CAMK1D: variants seen among roughly 807,000 people sequenced by gnomAD.
CAMK1D encodes the protein calcium/calmodulin dependent protein kinase ID, also known as calcium/calmodulin-dependent protein kinase type 1D.
CAMK1D carries 9 observed loss-of-function variants against 47.7 expected under a neutral mutation model. The observed-to-expected ratio is 0.19, with a 90% CI of 0.11 to 0.33. The LOEUF (loss-of-function observed/expected upper bound fraction) is 0.33, where lower values mean the gene tolerates loss of function less well. Among genes scored for constraint, CAMK1D ranks in the 10% least tolerant of loss-of-function variants. The pLI is 1.00. For synonymous variants in CAMK1D, 184 were observed against 184.9 expected (o/e 0.99, Z 0.04); for missense variants, 291 against 488.7 (o/e 0.60, Z 3.81).
At chr10:12,658,431 G>C (rs904117357) in intron 2 of CAMK1D, among the ~76,000 whole-genome samples, 36 of 151,880 alleles carry the variant, frequency 2.4e-4, no homozygotes, top group Admixed American at 2.6e-4. Flanking sequence ...ATAGGGGAGG[G>C]GGGCAGGGAA....
At chr10:12,463,546 T>C (rs1327590495) in intron 1 of CAMK1D, among the ~76,000 whole-genome samples, 2 of 152,328 alleles carry the variant, frequency 1.3e-5, no homozygotes, top group African/African-American at 2.4e-5. Context: ...CAACAACTTA[T>C]CTTTTTAAGT....
intron 2 of CAMK1D, among the ~76,000 whole-genome samples, chr10:12,660,966 C>T (rs528195705): frequency 6.6e-6 from 1 of 152,220 alleles, no homozygotes; most frequent in Non-Finnish European, 1.5e-5. Flanking sequence ...TTGCCTATAA[C>T]TGACATCTCT....
chr10:12,651,610 C>T (rs888525490), intron 2 of CAMK1D, among the ~76,000 whole-genome samples: 3 of 151,760 alleles, frequency 2.0e-5, no homozygotes, highest in Admixed American at 6.6e-5. Context: ...CCGTGTTGTC[C>T]AGGCTGGTCT....
intron 2 of CAMK1D, among the ~76,000 whole-genome samples, chr10:12,659,171 TG>T (rs1259762960): frequency 1.3e-5 from 2 of 152,194 alleles, no homozygotes; most frequent in Non-Finnish European, 2.9e-5. Context: ...ACCCTGCAAG[TG>T]GGATAAGGGA....
intron 1 of CAMK1D, among the ~76,000 whole-genome samples, chr10:12,474,188 T>C (rs1833831799): frequency 6.9e-6 from 1 of 144,372 alleles, no homozygotes; most frequent in Admixed American, 7.2e-5. Flanking sequence ...ACCTCTTCAA[T>C]GAGGATCGTT....
At position 12,694,330 on chromosome 10, in the gene CAMK1D, G is replaced by GTATGTAT. The variant is rs1554811732; in HGVS notation, c.299+27523_299+27524insGTATTAT. ...AAATATATAAAATATAATATATAAAGTATATATAATATATAACATATATAT... is the reference window on the plus strand; with the variant it reads ...AAATATATAAAATATAATATATAAAGTATGTATTATATATAATATATAACATATATAT... On this transcript the variant is annotated intron_variant, in intron 3 of 10. Transcript: ENST00000619168. Among the ~76,000 whole-genome samples, 324 of 45,968 alleles carry GTATGTAT rather than the reference G, an allele frequency of 7.0e-3. 14 individuals carry two copies. The highest frequency in any genetic ancestry group is 0.027 in the African/African-American group (309 of 11,644). 30.2% of individuals were successfully genotyped at this position (45,968 alleles called of 152,430 possible).
chr10:12,427,705 T>G (rs1462144089), intron 1 of CAMK1D, among the ~76,000 whole-genome samples: 1 of 98,548 alleles, frequency 1.0e-5, no homozygotes, highest in Non-Finnish European at 2.1e-5. Flanking sequence ...TTACTGTTTT[T>G]TTTTTTTTTT....
At chr10:12,486,531 G>GCGCACA (rs1554776401) in intron 1 of CAMK1D, among the ~76,000 whole-genome samples, 5 of 146,984 alleles carry the variant, frequency 3.4e-5, no homozygotes, top group Admixed American at 1.3e-4. Context: ...GTGTGCGCGT[G>GCGCACA]CACACACACA....
chr10:12,550,040 G>A (rs773514875), intron 1 of CAMK1D, among the ~76,000 whole-genome samples: 1 of 152,180 alleles, frequency 6.6e-6, no homozygotes, highest in Non-Finnish European at 1.5e-5. Flanking sequence ...ATTCTGTAGA[G>A]GAAGGAGCAC....
chr10:12,463,130 G>GTT (rs34084682), intron 1 of CAMK1D, among the ~76,000 whole-genome samples: 139 of 141,120 alleles, frequency 9.8e-4, no homozygotes, highest in Non-Finnish European at 1.1e-3. Context: ...AGCTCTAAGA[G>GTT]TTTTTTTTTT....
intron 5 of CAMK1D, 65 bp from the exon 6 acceptor site, chr10:12,791,093 A>C: frequency 6.7e-7 from 1 of 1,499,450 alleles, no homozygotes; most frequent in Non-Finnish European, 9.3e-7. Flanking sequence ...AGCAGACCCC[A>C]AAAACTGTCT....
At chr10:12,482,670 C>G (rs986778930) in intron 1 of CAMK1D, among the ~76,000 whole-genome samples, 1 of 152,110 alleles carries the variant, frequency 6.6e-6, no homozygotes, top group Non-Finnish European at 1.5e-5. Flanking sequence ...TGCATTGATA[C>G]CTACTGGGCC....
intron 3 of CAMK1D, among the ~76,000 whole-genome samples, chr10:12,701,315 A>G (rs1833510204): frequency 6.6e-6 from 1 of 152,202 alleles, no homozygotes; most frequent in Non-Finnish European, 1.5e-5. Context: ...TGGAATTTAT[A>G]AACGGAAGTG....
chr10:12,751,536 A>C (rs1297159733), intron 3 of CAMK1D, among the ~76,000 whole-genome samples: 1 of 152,218 alleles, frequency 6.6e-6, no homozygotes, highest in Non-Finnish European at 1.5e-5. Context: ...TGGAGTTCAC[A>C]GTCTGGGATA....
chr10:12,778,886 G>T (rs928144395), intron 5 of CAMK1D, among the ~76,000 whole-genome samples: 1 of 152,084 alleles, frequency 6.6e-6, no homozygotes, highest in South Asian at 2.1e-4. Context: ...AAAAATACGG[G>T]AATGAGAGGG....
chr10:12,676,045 C>T (rs1220053654), intron 3 of CAMK1D, among the ~76,000 whole-genome samples: 3 of 152,150 alleles, frequency 2.0e-5, no homozygotes, highest in Admixed American at 6.5e-5. Flanking sequence ...CTCTGCCTCC[C>T]GGGTTCAAGC....
At chr10:12,402,135 T>A (rs2131918954) in intron 1 of CAMK1D, among the ~76,000 whole-genome samples, 1 of 151,798 alleles carries the variant, frequency 6.6e-6, no homozygotes. Context: ...AGAGACAGGG[T>A]TTTGCCATGT....
intron 1 of CAMK1D, among the ~76,000 whole-genome samples, chr10:12,427,436 TCCTGACAGTGTCTCCCATCAGCCGGC>T (rs1243252452): frequency 2.6e-5 from 4 of 152,134 alleles, no homozygotes; most frequent in African/African-American, 9.7e-5. Context: ...CCCTCTGCTC[TCCTGACAGTGTCTCCCATCAGCCGGC>T]CCCCAAGCTG....
At chr10:12,502,112 C>A (rs780514888) in intron 1 of CAMK1D, among the ~76,000 whole-genome samples, 1 of 152,210 alleles carries the variant, frequency 6.6e-6, no homozygotes, top group South Asian at 2.1e-4. Context: ...GCTGGTGGCA[C>A]GGTGAGGAGG....
Sources: allele counts gnomAD v4.1 joint callset (sites outside exome capture counted in the v4.1 genomes callset), GRCh38; gene constraint gnomAD v4.1.1; transcripts MANE v1.5; gene names NCBI Gene and HGNC (gene_info 2026-07-23, HGNC 2026-07-21).